The following F10 variants were observed in gnomAD, a reference collection of about 807,000 sequenced individuals.
F10 encodes Stuart-Prower factor.
In F10, 29 loss-of-function variants were observed where a neutral mutation model predicts 37.1. The observed-to-expected ratio is 0.78, with a 90% CI of 0.58 to 1.07. The LOEUF is 1.07. F10 is among the 50% of genes least tolerant of loss of function. The pLI, the probability that F10 is intolerant of heterozygous loss-of-function variation, is 0.00. For missense variants in F10, 539 were observed against 667.9 expected (o/e 0.81, Z 2.13); for synonymous variants, 262 against 268.6 (o/e 0.98, Z 0.24).
rs776271782 is a variant in F10 at position 113,149,064 on chromosome 13, G to C, written c.1014G>C (p.Val338=). The change falls in exon 8 of 8, where the codon GTG becomes GTC. Residue 338 remains valine, a synonymous_variant. Coordinates refer to ENST00000375559, the MANE Select transcript of F10 (RefSeq NM_000504.4). This position sits in a 1 kb window ranked among gnomAD's most constrained non-coding sequence, Gnocchi z 7.5. ...CCCCCATCACCTTCCGCATGAACGT[G>C]GCGCCTGCCTGCCTCCCCGAGCGTG... The part of the protein sequence containing the change: ...LKTPITFRMN[V]APACLPERDW... 1.9e-6 allele frequency: 3 copies of C among 1,613,314 alleles called. No homozygotes were observed. In the South Asian group the frequency reaches 3.3e-5, roughly 18 times the overall value.
At chr13:113,126,795 A>G (rs1341607316) in intron 1 of F10, among the ~76,000 whole-genome samples, 1 of 152,176 alleles carries the variant, frequency 6.6e-6, no homozygotes, top group East Asian at 1.9e-4. Flanking sequence ...AGGCTTGGAT[A>G]ACTTGTCTGA....
At chr13:113,124,585 C>G (rs1478015889) in intron 1 of F10, among the ~76,000 whole-genome samples, 1 of 152,262 alleles carries the variant, frequency 6.6e-6, no homozygotes, top group African/African-American at 2.4e-5. Context: ...ACACAGGTCC[C>G]AGAAGGTCCC....
At chr13:113,132,814 T>C (rs3211751) in intron 2 of F10, among the ~76,000 whole-genome samples, 389 of 152,314 alleles carry the variant, frequency 2.6e-3, no homozygotes, top group African/African-American at 8.9e-3. Flanking sequence ...CTTCCACATA[T>C]GGAAAATTCC....
intron 2 of F10, chr13:113,131,951 A>C (rs960103141): frequency 1.3e-5 from 2 of 152,300 alleles, no homozygotes; most frequent in Non-Finnish European, 2.9e-5. Flanking sequence ...ACAGACTCCC[A>C]CAACATCAAG....
chr13:113,132,613 T>C (rs2036444536), intron 2 of F10, among the ~76,000 whole-genome samples: 1 of 152,342 alleles, frequency 6.6e-6, no homozygotes, highest in South Asian at 2.1e-4. Flanking sequence ...ATGGATAGAA[T>C]GCATGTAGCA....
chr13:113,131,862 C>T (rs1436361311), intron 2 of F10: 1 of 152,332 alleles, frequency 6.6e-6, no homozygotes, highest in African/African-American at 2.4e-5. Flanking sequence ...TAGATGAAAG[C>T]TTCCATGCAA....
chr13:113,125,066 T>G (rs1400588716), intron 1 of F10, among the ~76,000 whole-genome samples: 1 of 152,246 alleles, frequency 6.6e-6, no homozygotes, highest in Non-Finnish European at 1.5e-5. Context: ...AATGTCTTCC[T>G]AACTAAATAC....
intron 2 of F10, among the ~76,000 whole-genome samples, chr13:113,136,668 T>A (rs1367185822): frequency 0.13 from 1,154 of 8,964 alleles, 175 homozygotes; most frequent in East Asian, 0.25. Context: ...TTTTTTTTTT[T>A]GAGACGGAGT....
At chr13:113,134,742 A>G (rs1004513997) in intron 2 of F10, among the ~76,000 whole-genome samples, 8 of 152,262 alleles carry the variant, frequency 5.3e-5, no homozygotes, top group Non-Finnish European at 1.2e-4. Flanking sequence ...TGTAATAGCA[A>G]TGCACAGTTA....
intron 5 of F10, among the ~76,000 whole-genome samples, chr13:113,142,932 C>CA (rs761666003): frequency 3.3e-3 from 435 of 132,074 alleles, no homozygotes; most frequent in African/African-American, 7.3e-3. Flanking sequence ...AACTCCATCT[C>CA]AAAAAAAAAA....
In F10 at chr13:113,139,785, T is replaced by G. The variant is rs910166133; in HGVS notation, c.370+315T>G. Among the ~76,000 whole-genome samples, 1 of 152,086 alleles carries G rather than the reference T, an allele frequency of 6.6e-6. No homozygotes were observed. The highest frequency in any genetic ancestry group is 2.4e-5 in the African/African-American group (1 of 41,402). ...GTAAACAGGAGTGGACTCTCTGTTT[T>G]CCTTGGGGCCAAGTGCATTGCCCTG... On this transcript the variant is annotated intron_variant, in intron 4 of 7. Transcript: ENST00000375559. The surrounding 1 kb of genome is among the most constrained non-coding windows in gnomAD (Gnocchi z 5.2).
In F10 at chr13:113,141,002, G is replaced by A. The variant is rs3211772; in HGVS notation, c.454G>A (p.Ala152Thr). Residue 152 changes from alanine (A) to threonine (T), a missense_variant, in exon 5 of 8, where the codon GCC becomes ACC. Transcript: ENST00000375559. The surrounding 1 kb of genome is among the most constrained non-coding windows in gnomAD (Gnocchi z 5.4). ...ACAGAACTCTGTGGTGTGCTCCTGC[G>A]CCCGCGGGTACACCCTGGCTGACAA... Reference protein sequence around the residue: ...EEQNSVVCSCARGYTLADNGK... With the variant: ...EEQNSVVCSCTRGYTLADNGK... 34 of 1,613,954 alleles carry A rather than the reference G, an allele frequency of 2.1e-5. No homozygotes were observed. Among genetic ancestry groups the A allele is most frequent in the African/African-American group, 6.7e-5 (5 of 74,932 alleles).
chr13:113,136,542 C>T (rs948562095), intron 2 of F10, among the ~76,000 whole-genome samples: 2 of 151,766 alleles, frequency 1.3e-5, no homozygotes, highest in Non-Finnish European at 2.9e-5. Flanking sequence ...ACTACAACCT[C>T]CTCCTCTCAG....
At chr13:113,125,408 T>C (rs2036360932) in intron 1 of F10, among the ~76,000 whole-genome samples, 1 of 152,208 alleles carries the variant, frequency 6.6e-6, no homozygotes, top group Non-Finnish European at 1.5e-5. Context: ...GACTGTGGAA[T>C]TCACTGATGT....
intron 3 of F10, 103 bp downstream of exon 3, chr13:113,138,584 T>G: frequency 1.2e-6 from 1 of 800,780 alleles, no homozygotes; most frequent in Non-Finnish European, 2.1e-6. Flanking sequence ...GTTCTCATTT[T>G]ACTCATTTAA....
chr13:113,127,665 T>G (rs2036383288), intron 1 of F10, among the ~76,000 whole-genome samples: 1 of 151,774 alleles, frequency 6.6e-6, no homozygotes, highest in Non-Finnish European at 1.5e-5. Flanking sequence ...TTTAAAAGAG[T>G]AGAATCAAAT....
chr13:113,129,407 G>C, intron 1 of F10, 45 bp from the exon 2 acceptor site: 1 of 1,612,048 alleles, frequency 6.2e-7, no homozygotes, highest in Non-Finnish European at 8.5e-7. Context: ...GGGAGCCTGG[G>C]TGAGGGTGAC....
At chr13:113,137,581 G>T (rs1412139664) in intron 2 of F10, among the ~76,000 whole-genome samples, 1 of 152,166 alleles carries the variant, frequency 6.6e-6, no homozygotes, top group African/African-American at 2.4e-5. Flanking sequence ...AAATAACAGG[G>T]ATTTATTGTC....
intron 1 of F10, among the ~76,000 whole-genome samples, 192 bp downstream of exon 1, chr13:113,123,117 C>T (rs1047267222): frequency 2.6e-5 from 4 of 152,138 alleles, no homozygotes; most frequent in Admixed American, 6.5e-5. Flanking sequence ...CTCCCTGGGG[C>T]TGAGAGTCAG....
Sources: gnomAD v4.1 joint callset for allele counts (sites outside exome capture counted in the v4.1 genomes callset) on GRCh38, gnomAD v4.1.1 for gene constraint, Gnocchi (gnomAD v3.1) non-coding constraint, MANE v1.5 for transcripts, NCBI Gene and HGNC (gene_info 2026-07-23, HGNC 2026-07-21) for gene names.